ACOX3: variants seen among roughly 807,000 people sequenced by gnomAD.
The protein encoded by ACOX3 is acyl-CoA oxidase 3, pristanoyl.
In ACOX3, 73 loss-of-function variants were observed where a neutral mutation model predicts 81.5. The ratio of observed to expected loss-of-function variants is 0.90; its 90% CI spans 0.74 to 1.09. The LOEUF is 1.09. Among genes scored for constraint, ACOX3 ranks in the 50% least tolerant of loss-of-function variants. The pLI, the probability that ACOX3 is intolerant of heterozygous loss-of-function variation, is 0.00. For missense variants in ACOX3, 947 were observed against 928.0 expected (o/e 1.02, Z -0.27); for synonymous variants, 387 against 375.1 (o/e 1.03, Z -0.37).
At position 8,399,762 on chromosome 4, in the gene ACOX3, G is replaced by A; in HGVS notation, c.777-110C>T. ...GCAATCCCCGAGGACAAAGAAAATG[G>A]CAGAGGGCAAGTAGACAGGAACATT... On this transcript the variant is annotated intron_variant, in intron 7 of 17. Coordinates refer to ENST00000356406, the MANE Select transcript of ACOX3 (RefSeq NM_003501.3). This position sits in a 1 kb window ranked among gnomAD's most constrained non-coding sequence, Gnocchi z 4.9. 1.1e-6 allele frequency: 1 copy of A among 945,486 alleles called. No individual in the cohort carries two copies. Among genetic ancestry groups the A allele is most frequent in the South Asian group, 1.5e-5 (1 of 67,312 alleles). The allele number at this position is 945,486 out of a possible 1,614,324, so 58.6% of individuals were successfully genotyped here.
chr4:8,376,639 C>T (rs1300163566), intron 14 of ACOX3, among the ~76,000 whole-genome samples: 1 of 152,166 alleles, frequency 6.6e-6, no homozygotes, highest in Non-Finnish European at 1.5e-5. Flanking sequence ...CCCGCTGGGC[C>T]CCGCACACTC....
chr4:8,385,900 G>A lies in ACOX3; in HGVS notation c.1537+3273C>T, dbSNP rs536458096. Among the ~76,000 whole-genome samples the A allele has an allele frequency of 1.2e-4, 19 of 152,370 alleles. No homozygotes were observed. The highest frequency in any genetic ancestry group is 2.1e-4 in the South Asian group (1 of 4,830). On this transcript the variant is annotated intron_variant, in intron 13 of 17. Coordinates refer to ENST00000356406, the MANE Select transcript of ACOX3 (RefSeq NM_003501.3). The surrounding 1 kb of genome is among the most constrained non-coding windows in gnomAD (Gnocchi z 5.5). ...CAGAACCCACAAGCTTCCCTGCGGC[G>A]TGAGGGATAATGGCGGTCTCTCTCC... is the stretch of plus-strand genomic sequence containing the variant.
At position 8,389,085 on chromosome 4, in the gene ACOX3, AG is replaced by A; in HGVS notation, c.1537+87del. ...ACTGCTGCCCCGGCTGGAACTGCCA[AG>A]GGTCCCCTCACCGAGGCACGGTGCG... On this transcript the variant is annotated intron_variant, in intron 13 of 17. Transcript: ENST00000356406. This position sits in a 1 kb window ranked among gnomAD's most constrained non-coding sequence, Gnocchi z 5.3. The A allele has an allele frequency of 9.1e-7, 1 of 1,099,536 alleles. No homozygotes were observed. The highest frequency in any genetic ancestry group is 1.4e-6 in the Non-Finnish European group (1 of 740,720). 68.1% of individuals were successfully genotyped at this position (1,099,536 alleles called of 1,614,324 possible).
At position 8,384,746 on chromosome 4, in the gene ACOX3, G is replaced by C. The variant is rs1360856106; in HGVS notation, c.1538-3139C>G. Reference sequence around the variant, plus strand: ...TCCAGTCCCCTCTGCGTCAGCATCAGAGCACTCCTAACTCGGATTCTGACC... The same window carrying C: ...TCCAGTCCCCTCTGCGTCAGCATCACAGCACTCCTAACTCGGATTCTGACC... On this transcript the variant is annotated intron_variant, in intron 13 of 17. Coordinates refer to ENST00000356406, the MANE Select transcript of ACOX3 (RefSeq NM_003501.3). The surrounding 1 kb of genome is among the most constrained non-coding windows in gnomAD (Gnocchi z 5.3). Among the ~76,000 whole-genome samples the C allele has an allele frequency of 1.3e-5, 2 of 152,120 alleles. No homozygotes were observed. Among genetic ancestry groups the C allele is most frequent in the African/African-American group, 4.8e-5 (2 of 41,420 alleles).
rs574022285 is a variant in ACOX3 at position 8,423,257 on chromosome 4, C to A, written c.-14-6722G>T. 2.2e-4 allele frequency among the ~76,000 whole-genome samples: 33 copies of A among 152,268 alleles called. No homozygotes were observed. The highest frequency in any genetic ancestry group is 7.7e-4 in the African/African-American group (32 of 41,548). On this transcript the variant is annotated intron_variant, in intron 1 of 17. Coordinates refer to ENST00000356406, the MANE Select transcript of ACOX3 (RefSeq NM_003501.3). The surrounding 1 kb of genome is among the most constrained non-coding windows in gnomAD (Gnocchi z 4.2). ...TCTAATTATGCCTGAAACCCCCACACCCTTGTTAGGGAGATACATTCTAGC... is the reference window on the plus strand; with the variant it reads ...TCTAATTATGCCTGAAACCCCCACAACCTTGTTAGGGAGATACATTCTAGC...
downstream of ACOX3, among the ~76,000 whole-genome samples, chr4:8,364,384 G>A (rs1364021144): frequency 6.6e-6 from 1 of 152,234 alleles, no homozygotes; most frequent in East Asian, 1.9e-4. The surrounding 1 kb of genome is among the most constrained non-coding windows in gnomAD (Gnocchi z 5.0). Context: ...AGTAAAGTGT[G>A]CCAGCTCCCA....
chr4:8,420,430 G>T (rs113157500), intron 1 of ACOX3, among the ~76,000 whole-genome samples: 2,344 of 152,288 alleles, frequency 0.015, 24 homozygotes, highest in South Asian at 0.04. Flanking sequence ...TGGGGAAGGT[G>T]ACCACACCCA....
chr4:8,381,505 C>A lies in ACOX3; in HGVS notation c.1640G>T (p.Arg547Met), dbSNP rs757288835. 3.7e-6 allele frequency: 6 copies of A among 1,613,174 alleles called. No homozygotes were observed. The South Asian group carries it at 6.6e-5, about 18-fold the overall frequency. Residue 547 changes from arginine (R) to methionine (M), a missense_variant, in exon 14 of 18, where the codon AGG (arginine) becomes ATG (methionine). Coordinates refer to ENST00000356406, the MANE Select transcript of ACOX3 (RefSeq NM_003501.3). The surrounding 1 kb of genome is among the most constrained non-coding windows in gnomAD (Gnocchi z 4.3). ...ACAAATACTTACCTGGCATTTGTTC[C>A]TTGCTTCAAAGTCACTGCTTCCTGA... Reference protein sequence around the residue: ...KRSGSSDFEARNKCQVSHGRP... With the variant: ...KRSGSSDFEAMNKCQVSHGRP...
rs1054303615 is a variant in ACOX3, at chr4:8,382,827, C to G, written c.1538-1220G>C. Reference sequence around the variant, plus strand: ...CTAACACGGTGAAACCCCGTCTCTACTAAAAATACAAAAAATTAGCCGGGC... The same window carrying G: ...CTAACACGGTGAAACCCCGTCTCTAGTAAAAATACAAAAAATTAGCCGGGC... On this transcript the variant is annotated intron_variant, in intron 13 of 17. Coordinates refer to ENST00000356406, the MANE Select transcript of ACOX3 (RefSeq NM_003501.3). The surrounding 1 kb of genome is among the most constrained non-coding windows in gnomAD (Gnocchi z 4.1). Among the ~76,000 whole-genome samples, 7 of 151,896 alleles carry G rather than the reference C, an allele frequency of 4.6e-5. No homozygotes were observed. Among genetic ancestry groups the G allele is most frequent in the Non-Finnish European group, 8.8e-5 (6 of 67,956 alleles).
At chr4:8,401,403 A>G (rs1226556628) in intron 7 of ACOX3, among the ~76,000 whole-genome samples, 2 of 152,204 alleles carry the variant, frequency 1.3e-5, no homozygotes, top group African/African-American at 4.8e-5. Flanking sequence ...AGTCCTGCTC[A>G]GGATGCCCCC....
intron 1 of ACOX3, among the ~76,000 whole-genome samples, chr4:8,421,817 C>T (rs886766286): frequency 7.2e-5 from 11 of 152,142 alleles, no homozygotes; most frequent in African/African-American, 2.4e-4. Context: ...CTTGCCAGGG[C>T]CCCAAGTTTG....
At chr4:8,364,679 C>T (rs755215572), downstream of ACOX3, among the ~76,000 whole-genome samples, 1 of 152,228 alleles carries the variant, frequency 6.6e-6, no homozygotes. This position sits in a 1 kb window ranked among gnomAD's most constrained non-coding sequence, Gnocchi z 5.0. Context: ...ATATATGACA[C>T]CGAAGTCAAA....
intron 13 of ACOX3, among the ~76,000 whole-genome samples, chr4:8,387,710 C>A (rs556618325): frequency 1.3e-5 from 2 of 152,170 alleles, no homozygotes; most frequent in African/African-American, 2.4e-5. Flanking sequence ...GCACCCAGAC[C>A]ACTGGGCAAG....
rs1720949527 is a variant in ACOX3, at chr4:8,406,346, G to A, written c.688-303C>T. 2.0e-5 allele frequency among the ~76,000 whole-genome samples: 3 copies of A among 152,214 alleles called. No individual in the cohort carries two copies. Among genetic ancestry groups the A allele is most frequent in the Admixed American group, 2.0e-4 (3 of 15,286 alleles). On this transcript the variant is annotated intron_variant, in intron 6 of 17. Coordinates refer to ENST00000356406, the MANE Select transcript of ACOX3 (RefSeq NM_003501.3). This position sits in a 1 kb window ranked among gnomAD's most constrained non-coding sequence, Gnocchi z 5.6. ...TCCTATGAGAATCAGAAGAGGAGTG[G>A]GTGTGGGGAAGAGGGGGCCATGTGG...
At chr4:8,367,703 C>T (rs938844704) in intron 17 of ACOX3, among the ~76,000 whole-genome samples, 1 of 146,166 alleles carries the variant, frequency 6.8e-6, no homozygotes, top group Non-Finnish European at 1.5e-5. Flanking sequence ...GGTGAGGTGG[C>T]TCGTTCCTGT....
At chr4:8,409,397 G>A (rs973613679) in intron 6 of ACOX3, among the ~76,000 whole-genome samples, 4 of 145,870 alleles carry the variant, frequency 2.7e-5, no homozygotes, top group African/African-American at 1.0e-4. Flanking sequence ...GAGGGGCTGC[G>A]GGATACACTG....
In ACOX3 at chr4:8,394,934, G is replaced by A; in HGVS notation, c.1057-192C>T. On this transcript the variant is annotated intron_variant, in intron 9 of 17. Transcript: ENST00000356406. This position sits in a 1 kb window ranked among gnomAD's most constrained non-coding sequence, Gnocchi z 5.9. ...ACACGCTCTCAACTCAGCCAGTTCGGCTTTCACCCATAGCCCTTGACAGAC... is the reference window on the plus strand; with the variant it reads ...ACACGCTCTCAACTCAGCCAGTTCGACTTTCACCCATAGCCCTTGACAGAC... The A allele has an allele frequency of 1.5e-6, 1 of 685,374 alleles. No homozygotes were observed. 42.5% of individuals were successfully genotyped at this position (685,374 alleles called of 1,614,324 possible).
the ACOX3 span, chr4:8,357,870 C>T: frequency 2.5e-5 from 4 of 158,116 alleles, no homozygotes; most frequent in African/African-American, 9.6e-5. Context: ...ATTCTAAGTC[C>T]CCCAGCCAAC....
At chr4:8,361,522 A>C, downstream of ACOX3, among the ~76,000 whole-genome samples, 1 of 150,878 alleles carries the variant, frequency 6.6e-6, no homozygotes, top group East Asian at 1.9e-4. Context: ...GTTATAAGTT[A>C]ATCTTGTAAA....
Sources: gnomAD v4.1 joint callset for allele counts (sites outside exome capture counted in the v4.1 genomes callset) on GRCh38, gnomAD v4.1.1 for gene constraint, Gnocchi (gnomAD v3.1) non-coding constraint, MANE v1.5 for transcripts, NCBI Gene and HGNC (gene_info 2026-07-23, HGNC 2026-07-21) for gene names.